The following MEMO1 variants were observed in gnomAD, a reference collection of about 807,000 sequenced individuals.
The protein encoded by MEMO1 is protein MEMO1.
Under a neutral mutation model 45.2 loss-of-function variants are expected in MEMO1, and 6 were observed. That is an observed-to-expected ratio of 0.13 (90% CI 0.07 to 0.26). The LOEUF is 0.26. Ranked by LOEUF, MEMO1 falls within the 10% of genes least tolerant of loss-of-function variation. The probability of loss-of-function intolerance (pLI) is 1.00; values close to 1 mark genes in which losing one functional copy is unlikely to be tolerated. For missense variants in MEMO1, 184 were observed against 370.5 expected, an observed-to-expected ratio of 0.50 and a Z score of 4.13; for synonymous variants, 78 against 124.3, an observed-to-expected ratio of 0.63 and a Z score of 2.48.
rs562218606 is a variant in MEMO1, at chr2:31,915,399, G to A, written c.437+2527C>T. Among the ~76,000 whole-genome samples, 322 of 152,186 alleles carry A rather than the reference G, an allele frequency of 2.1e-3. 2 individuals are homozygous for A. Among genetic ancestry groups the A allele is most frequent in the Non-Finnish European group, 3.0e-3 (201 of 67,998 alleles). ...ATATACATGCTACTCCTCCCATCAAGAGGAGCAATATATTGCTTTTTTCCT... is the reference window on the plus strand; with the variant it reads ...ATATACATGCTACTCCTCCCATCAAAAGGAGCAATATATTGCTTTTTTCCT... On this transcript the variant is annotated intron_variant, in intron 6 of 9. Coordinates refer to ENST00000404530, the MANE Select transcript of MEMO1 (RefSeq NM_001301833.4).
intron 2 of MEMO1, among the ~76,000 whole-genome samples, chr2:32,006,705 G>C (rs1473562621): frequency 6.6e-6 from 1 of 151,954 alleles, no homozygotes; most frequent in Non-Finnish European, 1.5e-5. Flanking sequence ...GGTGGCTCAC[G>C]CCTGTAATCC....
At chr2:31,940,914 T>C (rs1019290602) in intron 3 of MEMO1, among the ~76,000 whole-genome samples, 1 of 152,156 alleles carries the variant, frequency 6.6e-6, no homozygotes, top group Non-Finnish European at 1.5e-5. Flanking sequence ...CTTCTCATCA[T>C]CTCTGCCTCA....
rs191909778 is a variant in MEMO1, at chr2:31,984,661, C to T, written c.61+25526G>A. ...CTAAAAACACAAACAAAAAAATTAG[C>T]GAGGCGTGGTGGCGGGCACCTGTAG... On this transcript the variant is annotated intron_variant, in intron 2 of 9. Coordinates refer to ENST00000404530, the MANE Select transcript of MEMO1 (RefSeq NM_001301833.4). 3.3e-3 allele frequency among the ~76,000 whole-genome samples: 510 copies of T among 152,260 alleles called. 2 individuals are homozygous for T. Among genetic ancestry groups the T allele is most frequent in the African/African-American group, 0.011 (446 of 41,546 alleles).
intron 4 of MEMO1, among the ~76,000 whole-genome samples, chr2:31,931,274 T>C (rs1664136153): frequency 6.6e-6 from 1 of 152,230 alleles, no homozygotes; most frequent in African/African-American, 2.4e-5. Flanking sequence ...TGATTTTCTT[T>C]ATTAAATCAT....
chr2:31,883,615 A>G (rs1481989437), intron 7 of MEMO1, among the ~76,000 whole-genome samples, 153 bp from the exon 8 acceptor site: 2 of 152,158 alleles, frequency 1.3e-5, no homozygotes, highest in East Asian at 1.9e-4. Flanking sequence ...GTACATAAAA[A>G]TAAAAGGCAC....
In MEMO1 at chr2:31,943,370, A is replaced by G. The variant is rs375095649; in HGVS notation, c.75T>C (p.Asn25=). 6.2e-6 allele frequency: 10 copies of G among 1,612,940 alleles called. No individual in the cohort carries two copies. In the East Asian group the frequency reaches 1.6e-4, roughly 25 times the overall value. Residue 25 remains asparagine (N), a synonymous_variant, in exon 3 of 10, where the codon AAT becomes AAC. Coordinates refer to ENST00000404530, the MANE Select transcript of MEMO1 (RefSeq NM_001301833.4). ...GTGAAAGCCAACCTTCTAGCTGTGC[A>G]TTCAGCTGCGGTCCTATAAAAAGAC... ...SWYTASGPQL[N]AQLEGWLSQV...
chr2:31,998,744 G>A (rs1429170568), intron 2 of MEMO1, among the ~76,000 whole-genome samples: 1 of 151,510 alleles, frequency 6.6e-6, no homozygotes, highest in Non-Finnish European at 1.5e-5. Flanking sequence ...ACATTGCAGT[G>A]AGTAGAGATC....
At chr2:31,889,796 A>G (rs564522605) in intron 7 of MEMO1, among the ~76,000 whole-genome samples, 1 of 152,238 alleles carries the variant, frequency 6.6e-6, no homozygotes, top group South Asian at 2.1e-4. Context: ...GAGTATTATT[A>G]ATGATGATGA....
intron 4 of MEMO1, among the ~76,000 whole-genome samples, chr2:31,929,830 C>CA (rs1683680540): frequency 1.3e-5 from 2 of 152,192 alleles, no homozygotes; most frequent in Non-Finnish European, 2.9e-5. Context: ...TTTCTCAAAG[C>CA]ACTCTAAAGA....
intron 7 of MEMO1, among the ~76,000 whole-genome samples, chr2:31,887,957 T>C (rs946789358): frequency 6.6e-6 from 1 of 152,076 alleles, no homozygotes; most frequent in African/African-American, 2.4e-5. Flanking sequence ...TTTAGGGGAA[T>C]GCCACTTTTA....
rs148439922 is a variant in MEMO1 at position 31,916,377 on chromosome 2, C to T, written c.437+1549G>A. Among the ~76,000 whole-genome samples, 1,369 of 152,098 alleles carry T rather than the reference C, an allele frequency of 9.0e-3. 21 individuals carry two copies. Among genetic ancestry groups the T allele is most frequent in the African/African-American group, 0.031 (1,301 of 41,490 alleles). On this transcript the variant is annotated intron_variant, in intron 6 of 9. Coordinates refer to ENST00000404530, the MANE Select transcript of MEMO1 (RefSeq NM_001301833.4). Reference sequence around the variant, plus strand: ...CCAAGTAGCTGGGACAACAAGCACCCGACACCACACACCGCTAATTTTTCT... The same window carrying T: ...CCAAGTAGCTGGGACAACAAGCACCTGACACCACACACCGCTAATTTTTCT...
chr2:31,872,097 GT>G (rs1470341489), intron 8 of MEMO1, among the ~76,000 whole-genome samples: 3 of 151,028 alleles, frequency 2.0e-5, no homozygotes, highest in Non-Finnish European at 2.9e-5. Context: ...AAACATTACA[GT>G]ACATTTCTAA....
intron 7 of MEMO1, among the ~76,000 whole-genome samples, chr2:31,891,235 A>G (rs983671038): frequency 6.6e-6 from 1 of 152,222 alleles, no homozygotes; most frequent in Non-Finnish European, 1.5e-5. Flanking sequence ...CAATAAATTA[A>G]TAGGTCAAAG....
chr2:31,924,038 A>T (rs1682721239), intron 4 of MEMO1, among the ~76,000 whole-genome samples: 1 of 152,208 alleles, frequency 6.6e-6, no homozygotes, highest in African/African-American at 2.4e-5. Flanking sequence ...ACCAATAGCC[A>T]AATCAAGTTC....
chr2:31,946,528 G>A (rs528592616), intron 2 of MEMO1, among the ~76,000 whole-genome samples: 19 of 152,152 alleles, frequency 1.2e-4, no homozygotes, highest in Admixed American at 5.9e-4. Context: ...ATGACGTTTC[G>A]GTCAACAATG....
intron 2 of MEMO1, among the ~76,000 whole-genome samples, chr2:31,994,916 C>A (rs553825005): frequency 1.6e-4 from 21 of 135,414 alleles, no homozygotes; most frequent in African/African-American, 4.3e-4. Flanking sequence ...CCAAGGCACT[C>A]GTGCCTTGCG....
intron 8 of MEMO1, among the ~76,000 whole-genome samples, chr2:31,876,785 T>C (rs1674631364): frequency 6.6e-6 from 1 of 151,892 alleles, no homozygotes; most frequent in South Asian, 2.1e-4. Context: ...ATCCTTGACA[T>C]TTCCTTGACC....
chr2:31,905,745 C>T (rs1679571919), intron 6 of MEMO1, among the ~76,000 whole-genome samples: 1 of 152,210 alleles, frequency 6.6e-6, no homozygotes, highest in East Asian at 1.9e-4. Flanking sequence ...TTCATCTTAA[C>T]TGTCTCACAT....
chr2:31,962,140 C>T (rs1188923520), intron 2 of MEMO1, among the ~76,000 whole-genome samples: 1 of 152,042 alleles, frequency 6.6e-6, no homozygotes, highest in Non-Finnish European at 1.5e-5. Context: ...TGTAATCCCA[C>T]CATTCTGGGA....
Sources: allele counts gnomAD v4.1 joint callset (sites outside exome capture counted in the v4.1 genomes callset), GRCh38; gene constraint gnomAD v4.1.1; transcripts MANE v1.5; gene names NCBI Gene and HGNC (gene_info 2026-07-23, HGNC 2026-07-21).